Variants in CDH20 observed in about 807,000 individuals in gnomAD.
CDH20 encodes the protein cadherin 20.
In CDH20, 29 loss-of-function variants were observed where a neutral mutation model predicts 74.2. The ratio of observed to expected loss-of-function variants is 0.39; its 90% confidence interval spans 0.29 to 0.53. The LOEUF is 0.53. Among genes scored for constraint, CDH20 ranks in the 20% least tolerant of loss-of-function variants. The pLI, the probability that CDH20 is intolerant of heterozygous loss-of-function variation, is 0.69. For synonymous variants in CDH20, 469 were observed against 405.4 expected (o/e 1.16, Z -1.88); for missense variants, 988 against 1,048.3 (o/e 0.94, Z 0.79).
Position 61,499,472 on chromosome 18 carries a change from C to A in CDH20, c.533C>A (p.Ser178Tyr), listed in dbSNP as rs1254416876. 1 of 1,603,266 alleles carries A rather than the reference C, an allele frequency of 6.2e-7. No individual in the cohort carries two copies. Among genetic ancestry groups the A allele is most frequent in the Non-Finnish European group, 8.5e-7 (1 of 1,173,932 alleles). Residue 178 changes from serine (S) to tyrosine (Y), a missense_variant, in exon 3 of 12, where the codon TCC becomes TAC. By Grantham distance (144) the Ser-to-Tyr change is moderately radical (BLOSUM62 -2). Coordinates refer to ENST00000262717, the MANE Select transcript of CDH20 (RefSeq NM_031891.4). ...GPYVATVPEMSPVGTSVIQVT... is the reference protein window; with the variant it reads ...GPYVATVPEMYPVGTSVIQVT... ...TATGTGGCCACTGTGCCAGAAATGT[C>A]CCCTGTGGGTAAGGTGGTGACTCGC... is the stretch of plus-strand genomic sequence containing the variant.
At chr18:61,519,893 C>A (rs1376377745) in intron 6 of CDH20, among the ~76,000 whole-genome samples, 5 of 140,702 alleles carry the variant, frequency 3.6e-5, no homozygotes, top group African/African-American at 1.4e-4. Flanking sequence ...CATGCAAAGA[C>A]AAACACAGGC....
intron 1 of CDH20, among the ~76,000 whole-genome samples, chr18:61,346,187 T>C (rs187531519): frequency 2.0e-5 from 3 of 152,302 alleles, no homozygotes; most frequent in East Asian, 1.9e-4. Context: ...CACTAAGCCA[T>C]GGTCTTGTTT....
chr18:61,417,895 C>T (rs1256459426), intron 1 of CDH20, among the ~76,000 whole-genome samples: 1 of 152,140 alleles, frequency 6.6e-6, no homozygotes, highest in African/African-American at 2.4e-5. Flanking sequence ...ACAGCATACG[C>T]TTGCATCAAA....
intron 1 of CDH20, among the ~76,000 whole-genome samples, chr18:61,464,456 A>T (rs1434658038): frequency 6.6e-6 from 1 of 152,090 alleles, no homozygotes; most frequent in African/African-American, 2.4e-5. Context: ...TGTCTCCATT[A>T]AAAAAATTGG....
intron 1 of CDH20, among the ~76,000 whole-genome samples, chr18:61,391,965 T>A (rs1176180077): frequency 6.6e-6 from 1 of 152,160 alleles, no homozygotes; most frequent in African/African-American, 2.4e-5. Context: ...TCCAGCCTCC[T>A]CTCATGCCTT....
intron 1 of CDH20, among the ~76,000 whole-genome samples, chr18:61,356,861 T>C (rs908375599): frequency 3.9e-5 from 6 of 152,188 alleles, no homozygotes; most frequent in Non-Finnish European, 8.8e-5. Flanking sequence ...TTCATCATCG[T>C]CATTTAAACA....
At chr18:61,542,861 A>C (rs1291977117) in intron 9 of CDH20, among the ~76,000 whole-genome samples, 1 of 152,108 alleles carries the variant, frequency 6.6e-6, no homozygotes, top group Non-Finnish European at 1.5e-5. Context: ...TCTTTTTAAC[A>C]ATCAGCTATC....
At chr18:61,527,377 A>AGATAGATAGATAGATAGATAGAT (rs1912458180) in intron 6 of CDH20, among the ~76,000 whole-genome samples, 1 of 149,432 alleles carries the variant, frequency 6.7e-6, no homozygotes, top group African/African-American at 2.5e-5. Context: ...ATAGATAGAT[A>AGATAGATAGATAGATAGATAGAT]GATAGATAGA....
intron 1 of CDH20, among the ~76,000 whole-genome samples, chr18:61,411,145 G>A (rs1414176141): frequency 6.6e-6 from 1 of 150,956 alleles, no homozygotes; most frequent in Non-Finnish European, 1.5e-5. Flanking sequence ...CTTGCAGTGA[G>A]CCGAGATACG....
chr18:61,361,252 C>T (rs1218179356), intron 1 of CDH20, among the ~76,000 whole-genome samples: 1 of 152,192 alleles, frequency 6.6e-6, no homozygotes, highest in East Asian at 1.9e-4. Flanking sequence ...AACTCAAGGA[C>T]ATCCATTATA....
rs566876322 is a variant in CDH20 at position 61,506,934 on chromosome 18, G to T, written c.830-439G>T. Among the ~76,000 whole-genome samples the T allele has an allele frequency of 3.9e-5, 6 of 152,172 alleles. No homozygotes were observed. The South Asian group carries it at 1.2e-3, about 32-fold the overall frequency. ...CTGGAGACAGGCACTCAGCACACAA[G>T]CCAGGCCATGAAAAAAAAGATGGAC... On this transcript the variant is annotated intron_variant, in intron 5 of 11. Transcript: ENST00000262717.
At chr18:61,496,046 CCTCTCCCCCCTCTCTCCTCCCT>C (rs1911129240) in intron 2 of CDH20, among the ~76,000 whole-genome samples, 2 of 37,240 alleles carry the variant, frequency 5.4e-5, no homozygotes, top group Admixed American at 1.8e-4. Flanking sequence ...CTCCTCCCTT[CCTCTCCCCCCTCTCTCCTCCCT>C]TCCTCTCCCC....
chr18:61,554,771 C>T lies in CDH20; in HGVS notation c.*76C>T, dbSNP rs1485187385. On this transcript the variant is annotated 3_prime_UTR_variant, in exon 12 of 12. Coordinates refer to ENST00000262717, the MANE Select transcript of CDH20 (RefSeq NM_031891.4). ...GCTTCGCGGACAAGGTGCAGCCAAC[C>T]ACACGAGCAATACTGTGCTGGAGAG... 2.7e-6 allele frequency: 4 copies of T among 1,473,848 alleles called. No individual in the cohort carries two copies. Among genetic ancestry groups the T allele is most frequent in the African/African-American group, 2.8e-5 (2 of 71,908 alleles). The allele number at this position is 1,473,848 out of a possible 1,614,324, so 91.3% of individuals were successfully genotyped here. A position where few individuals can be genotyped will look rare whatever the true frequency, so the allele number is the denominator to read the frequency against.
chr18:61,513,789 G>T (rs1199516915), intron 6 of CDH20, among the ~76,000 whole-genome samples: 1 of 152,102 alleles, frequency 6.6e-6, no homozygotes, highest in Non-Finnish European at 1.5e-5. Context: ...GAAATTCTGG[G>T]TTGAAAATTT....
chr18:61,482,931 T>C (rs1320283520), intron 1 of CDH20, among the ~76,000 whole-genome samples: 1 of 152,198 alleles, frequency 6.6e-6, no homozygotes, highest in Non-Finnish European at 1.5e-5. Context: ...CCCTCATCCC[T>C]CCTCAGTCTC....
intron 1 of CDH20, among the ~76,000 whole-genome samples, chr18:61,376,277 AGG>A (rs1911227927): frequency 6.6e-6 from 1 of 152,144 alleles, no homozygotes; most frequent in South Asian, 2.1e-4. Context: ...AAAAGGAATT[AGG>A]GTTATATATT....
At chr18:61,355,446 C>T (rs893881903) in intron 1 of CDH20, among the ~76,000 whole-genome samples, 7 of 152,196 alleles carry the variant, frequency 4.6e-5, no homozygotes, top group African/African-American at 1.2e-4. Context: ...CCAGTAGCTA[C>T]GTTTTAGTAT....
At chr18:61,354,955 G>A (rs1282631079) in intron 1 of CDH20, among the ~76,000 whole-genome samples, 1 of 152,128 alleles carries the variant, frequency 6.6e-6, no homozygotes, top group Non-Finnish European at 1.5e-5. Flanking sequence ...AGAGTGAAAG[G>A]CAATGCCGTA....
chr18:61,359,136 CTGAGT>C (rs1191259195), intron 1 of CDH20, among the ~76,000 whole-genome samples: 1 of 152,100 alleles, frequency 6.6e-6, no homozygotes, highest in Non-Finnish European at 1.5e-5. Context: ...TTTTAGCTAT[CTGAGT>C]TTTGTTTCTG....
Sources: gnomAD v4.1 joint callset for allele counts (sites outside exome capture counted in the v4.1 genomes callset) on GRCh38, gnomAD v4.1.1 for gene constraint, MANE v1.5 for transcripts, NCBI Gene and HGNC (gene_info 2026-07-23, HGNC 2026-07-21) for gene names.